DPP6: variants seen among roughly 807,000 people sequenced by gnomAD.
DPP6 encodes dipeptidyl peptidase like 6.
Under a neutral mutation model 122.6 loss-of-function variants are expected in DPP6, and 69 were observed. The observed-to-expected ratio is 0.56, with a 90% CI of 0.46 to 0.69. The LOEUF (loss-of-function observed/expected upper bound fraction) is 0.69, where lower values mean the gene tolerates loss of function less well. DPP6 is among the 30% of genes least tolerant of loss of function. The pLI is 0.00. For synonymous variants in DPP6, 418 were observed against 433.1 expected (o/e 0.97, Z 0.43); for missense variants, 928 against 1,116.9 (o/e 0.83, Z 2.41).
In DPP6 at chr7:154,061,617, A is replaced by AGG. The variant is rs1291581045; in HGVS notation, c.243+8561_243+8562dup. ...CCCTGGCTCTTGGGACTCCCATCAC[A>AGG]GGGGGGGGAGGCACCCGCTGCGAGG... On this transcript the variant is annotated intron_variant, in intron 1 of 25. Transcript: ENST00000377770. Among the ~76,000 whole-genome samples, 1,151 of 131,464 alleles carry AGG rather than the reference A, an allele frequency of 8.8e-3. 6 individuals carry two copies. Among genetic ancestry groups the AGG allele is most frequent in the East Asian group, 0.042 (193 of 4,596 alleles). 86.2% of individuals were successfully genotyped at this position (131,464 alleles called of 152,430 possible).
intron 1 of DPP6, among the ~76,000 whole-genome samples, chr7:154,239,987 G>T: frequency 2.2e-5 from 2 of 89,748 alleles, no homozygotes; most frequent in Admixed American, 1.8e-4. Context: ...GTAAGATGCT[G>T]TCTTTAAAAA....
At chr7:154,538,773 T>A (rs1828474244) in intron 3 of DPP6, among the ~76,000 whole-genome samples, 1 of 152,240 alleles carries the variant, frequency 6.6e-6, no homozygotes, top group African/African-American at 2.4e-5. Flanking sequence ...GAGTCTTCCA[T>A]GTGAGTTCTT....
intron 1 of DPP6, among the ~76,000 whole-genome samples, chr7:153,948,556 G>A (rs1802053702): frequency 6.6e-6 from 1 of 151,694 alleles, no homozygotes; most frequent in Admixed American, 6.6e-5. Context: ...AAATAGGAAT[G>A]TTAATACTGA....
intron 1 of DPP6, among the ~76,000 whole-genome samples, chr7:154,098,178 A>G (rs2150564084): frequency 6.6e-6 from 1 of 152,194 alleles, no homozygotes; most frequent in East Asian, 1.9e-4. Context: ...ATGCTTTCTC[A>G]TGATAGTGAG....
At chr7:154,587,576 C>G in intron 5 of DPP6, 1 of 1,471,028 alleles carries the variant, frequency 6.8e-7, no homozygotes, top group Admixed American at 2.2e-5. Context: ...TCCCATGCCC[C>G]AAAATAGCAT....
intron 1 of DPP6, among the ~76,000 whole-genome samples, chr7:153,961,351 ATT>A (rs67414261): frequency 2.7e-5 from 4 of 149,782 alleles, no homozygotes; most frequent in Admixed American, 1.3e-4. Flanking sequence ...TTTTTATTTT[ATT>A]TTTTTTTACC....
intron 1 of DPP6, among the ~76,000 whole-genome samples, chr7:154,359,596 G>A (rs1046381411): frequency 2.6e-5 from 4 of 152,140 alleles, no homozygotes; most frequent in Non-Finnish European, 4.4e-5. Context: ...CAGAGAGCAG[G>A]AGGTCTTGTC....
intron 1 of DPP6, among the ~76,000 whole-genome samples, chr7:154,431,488 TTTCTTTTC>T (rs1298143311): frequency 9.2e-6 from 1 of 109,046 alleles, no homozygotes; most frequent in Non-Finnish European, 1.9e-5. Context: ...TTTCTTTTCT[TTTCTTTTC>T]TTTTCTTTTC....
chr7:154,851,514 G>C (rs1247886530), intron 16 of DPP6, among the ~76,000 whole-genome samples: 1 of 152,128 alleles, frequency 6.6e-6, no homozygotes, highest in Non-Finnish European at 1.5e-5. Context: ...CCCCATGGGG[G>C]GGAAATGAAT....
intron 2 of DPP6, among the ~76,000 whole-genome samples, chr7:154,461,464 AC>A (rs1563708139): frequency 6.6e-6 from 1 of 152,180 alleles, no homozygotes; most frequent in African/African-American, 2.4e-5. Flanking sequence ...TGGTGGTTGT[AC>A]TAATTTGCAT....
At chr7:154,022,498 T>C (rs1440972562) in intron 1 of DPP6, among the ~76,000 whole-genome samples, 1 of 152,168 alleles carries the variant, frequency 6.6e-6, no homozygotes, top group Non-Finnish European at 1.5e-5. Context: ...AAAAACATCC[T>C]AGTGATAAAG....
intron 1 of DPP6, among the ~76,000 whole-genome samples, chr7:153,890,577 T>A (rs1799145158): frequency 6.6e-6 from 1 of 152,112 alleles, no homozygotes; most frequent in Non-Finnish European, 1.5e-5. Context: ...TATTTCTGAG[T>A]ACAGCTAGAG....
At chr7:154,632,908 T>C (rs1835494005) in intron 5 of DPP6, among the ~76,000 whole-genome samples, 1 of 152,232 alleles carries the variant, frequency 6.6e-6, no homozygotes, top group African/African-American at 2.4e-5. Context: ...GAACTCACCC[T>C]GTGACAAATC....
chr7:154,548,992 G>A (rs774772676), intron 4 of DPP6, among the ~76,000 whole-genome samples: 32 of 152,144 alleles, frequency 2.1e-4, no homozygotes, highest in Non-Finnish European at 3.4e-4. Flanking sequence ...TAGACAGTGC[G>A]GTTAGTAGGT....
At chr7:154,103,342 A>G (rs1359286868) in intron 1 of DPP6, among the ~76,000 whole-genome samples, 1 of 152,152 alleles carries the variant, frequency 6.6e-6, no homozygotes, top group African/African-American at 2.4e-5. Flanking sequence ...GTGGGAGAAA[A>G]TCCTGCAGTG....
chr7:153,998,910 A>C (rs571504497), intron 1 of DPP6, among the ~76,000 whole-genome samples: 15 of 152,264 alleles, frequency 9.9e-5, no homozygotes, highest in Non-Finnish European at 2.1e-4. Context: ...ATGCCTTTGC[A>C]TTAACACACA....
rs1247302778 is a variant in DPP6 at position 153,994,842 on chromosome 7, GATAAGTTTCACTTAACTGGT to G, written c.51+107109_51+107128del. On this transcript the variant is annotated intron_variant, in intron 1 of 25. Transcript: ENST00000404039. Reference sequence around the variant, plus strand: ...ATGCTGTTCATAAAATGTCCCTACAGATAAGTTTCACTTAACTGGTTTTAGAAGATGCTTTTGGGCCTTTT... The same window carrying G: ...ATGCTGTTCATAAAATGTCCCTACAGTTTAGAAGATGCTTTTGGGCCTTTT... Among the ~76,000 whole-genome samples the G allele has an allele frequency of 3.9e-5, 6 of 152,150 alleles. No homozygotes were observed. In the East Asian group the frequency reaches 1.2e-3, roughly 29 times the overall value.
At chr7:153,888,381 G>A (rs577095148) in intron 1 of DPP6, among the ~76,000 whole-genome samples, 214 of 152,364 alleles carry the variant, frequency 1.4e-3, no homozygotes, top group African/African-American at 4.8e-3. Flanking sequence ...GTCCGCGGAA[G>A]GCTCCGGGCA....
chr7:154,074,088 T>TAGAGATAG, intron 1 of DPP6, among the ~76,000 whole-genome samples: 1 of 151,934 alleles, frequency 6.6e-6, no homozygotes, highest in African/African-American at 2.4e-5. Flanking sequence ...GAGAGATATA[T>TAGAGATAG]AGAGATCTAT....
Sources: allele counts gnomAD v4.1 joint callset (sites outside exome capture counted in the v4.1 genomes callset), GRCh38; gene constraint gnomAD v4.1.1; transcripts MANE v1.5; gene names NCBI Gene and HGNC (gene_info 2026-07-23, HGNC 2026-07-21).